Variants in STRBP observed in about 807,000 individuals in gnomAD.
STRBP encodes the protein spermatid perinuclear RNA binding protein.
Under a neutral mutation model 80.1 loss-of-function variants are expected in STRBP, and 13 were observed. The ratio of observed to expected loss-of-function variants is 0.16; its 90% CI spans 0.11 to 0.26. The LOEUF is 0.26. STRBP is among the 10% of genes least tolerant of loss of function. STRBP has a pLI of 1.00. For synonymous variants in STRBP, 284 were observed against 291.2 expected (o/e 0.98, Z 0.25); for missense variants, 485 against 815.2 (o/e 0.59, Z 4.93).
At chr9:123,191,840 A>G (rs2038937074) in intron 2 of STRBP, among the ~76,000 whole-genome samples, 3 of 152,164 alleles carry the variant, frequency 2.0e-5, no homozygotes, top group Non-Finnish European at 4.4e-5. Flanking sequence ...TGAGATGGGG[A>G]GCCCTTAGAA....
intron 2 of STRBP, among the ~76,000 whole-genome samples, chr9:123,203,688 T>C (rs1156452399): frequency 2.6e-5 from 4 of 152,022 alleles, no homozygotes; most frequent in Admixed American, 2.6e-4. Flanking sequence ...AATAGCGACC[T>C]CGGCCAGGCG....
At chr9:123,254,456 C>CAAAAAAAAAAAAA (rs1205708821) in intron 1 of STRBP, among the ~76,000 whole-genome samples, 3 of 65,718 alleles carry the variant, frequency 4.6e-5, no homozygotes, top group Non-Finnish European at 9.0e-5. Flanking sequence ...GACTCCGTCT[C>CAAAAAAAAAAAAA]AAAAAAAAAA....
chr9:123,263,045 A>G (rs2041190723), intron 1 of STRBP, among the ~76,000 whole-genome samples: 1 of 152,248 alleles, frequency 6.6e-6, no homozygotes, highest in Non-Finnish European at 1.5e-5. Flanking sequence ...TCTTAGAATT[A>G]CTAGTCAGAA....
At chr9:123,118,662 T>C (rs1264149444), downstream of STRBP, among the ~76,000 whole-genome samples, 1 of 152,260 alleles carries the variant, frequency 6.6e-6, no homozygotes, top group East Asian at 1.9e-4. Flanking sequence ...TTCTTAGATT[T>C]AAGAAAAACC....
At chr9:123,157,137 G>A (rs542201357) in intron 11 of STRBP, among the ~76,000 whole-genome samples, 122 of 152,262 alleles carry the variant, frequency 8.0e-4, no homozygotes, top group Non-Finnish European at 1.3e-3. Context: ...GTCATACTGA[G>A]CCCAAAACCT....
chr9:123,197,954 G>A (rs2039164169), intron 2 of STRBP, among the ~76,000 whole-genome samples: 1 of 152,052 alleles, frequency 6.6e-6, no homozygotes, highest in African/African-American at 2.4e-5. Flanking sequence ...GATTACAGGC[G>A]TGAGCCACGG....
intron 2 of STRBP, among the ~76,000 whole-genome samples, chr9:123,231,231 T>C (rs2040389996): frequency 6.6e-6 from 1 of 152,174 alleles, no homozygotes; most frequent in Non-Finnish European, 1.5e-5. Context: ...TTTCACCTGT[T>C]ATTAGCAGCC....
chr9:123,223,191 T>C (rs1182863772), intron 2 of STRBP, among the ~76,000 whole-genome samples: 2 of 152,106 alleles, frequency 1.3e-5, no homozygotes, highest in South Asian at 2.1e-4. Context: ...AAAATATCAA[T>C]AGTTGCCAAG....
At chr9:123,145,692 G>C (rs1048599351) in intron 13 of STRBP, among the ~76,000 whole-genome samples, 2 of 152,110 alleles carry the variant, frequency 1.3e-5, no homozygotes, top group African/African-American at 4.8e-5. Context: ...CTCTAAACTT[G>C]TGACACATTC....
chr9:123,172,499 G>A (rs1040871347), intron 5 of STRBP, among the ~76,000 whole-genome samples: 5 of 152,076 alleles, frequency 3.3e-5, no homozygotes, highest in Non-Finnish European at 7.4e-5. Context: ...TTTTTAAAAG[G>A]GAGGGAAAGG....
In STRBP at chr9:123,123,047, C is replaced by A; in HGVS notation, c.*2550G>T. The A allele has an allele frequency of 1.0e-6, 1 of 985,416 alleles. No individual in the cohort carries two copies. The highest frequency in any genetic ancestry group is 1.2e-6 in the Non-Finnish European group (1 of 829,928). The allele number at this position is 985,416 out of a possible 1,614,324, so 61.0% of individuals were successfully genotyped here. ...AGTGGAGTGTCTGAAAGCTGGATAG[C>A]CTCAGGGTGTCACATTGCTCTTAAG... On this transcript the variant is annotated 3_prime_UTR_variant, in exon 19 of 19. Coordinates refer to ENST00000348403, the MANE Select transcript of STRBP (RefSeq NM_018387.5).
At chr9:123,253,975 T>C (rs961780201) in intron 1 of STRBP, among the ~76,000 whole-genome samples, 4 of 152,158 alleles carry the variant, frequency 2.6e-5, no homozygotes, top group African/African-American at 7.2e-5. Flanking sequence ...TTGCTCAACA[T>C]TGTGAATGTT....
chr9:123,256,898 C>CT lies in STRBP; in HGVS notation c.-302+11537dup, dbSNP rs754149758. 2.3e-3 allele frequency among the ~76,000 whole-genome samples: 309 copies of CT among 134,238 alleles called. 1 individual carries two copies. Among genetic ancestry groups the CT allele is most frequent in the Admixed American group, 2.9e-3 (39 of 13,378 alleles). 88.1% of individuals were successfully genotyped at this position (134,238 alleles called of 152,430 possible). A position where few individuals can be genotyped will look rare whatever the true frequency, so the allele number is the denominator to read the frequency against. ...GTAGACAGTGGCTCCAGCCAGGAAT[C>CT]TTTTTTTTTTTTTTTTGGTCAACAT... On this transcript the variant is annotated intron_variant, in intron 1 of 18. Transcript: ENST00000348403.
intron 12 of STRBP, 50 bp downstream of exon 12, chr9:123,147,728 G>T: frequency 8.3e-7 from 1 of 1,199,394 alleles, no homozygotes; most frequent in Non-Finnish European, 1.2e-6. Context: ...TCTATCTGAA[G>T]CTACAAGTCC....
At position 123,136,222 on chromosome 9, in the gene STRBP, T is replaced by C. The variant is rs2036348138; in HGVS notation, c.1633-41A>G. The C allele has an allele frequency of 2.5e-6, 4 of 1,606,008 alleles. No homozygotes were observed. In the East Asian group the frequency reaches 8.9e-5, roughly 36 times the overall value. On this transcript the variant is annotated intron_variant, in intron 15 of 18. Transcript: ENST00000348403. The surrounding 1 kb of genome is among the most constrained non-coding windows in gnomAD (Gnocchi z 4.2). ...ACACCTTGCAATTATCCCATGCAAT[T>C]CCTCTATGTCCTTTTAATTTAAATA... is the stretch of plus-strand genomic sequence containing the variant.
rs895187365 is a variant in STRBP at position 123,123,554 on chromosome 9, G to A, written c.*2043C>T. Reference sequence around the variant, plus strand: ...AATTAAAAAAAAAAAAAAAAGACTTGGTAGAAACCATTTGAAATGACTGCC... The same window carrying A: ...AATTAAAAAAAAAAAAAAAAGACTTAGTAGAAACCATTTGAAATGACTGCC... On this transcript the variant is annotated 3_prime_UTR_variant, in exon 19 of 19. Coordinates refer to ENST00000348403, the MANE Select transcript of STRBP (RefSeq NM_018387.5). 7 of 984,580 alleles carry A rather than the reference G, an allele frequency of 7.1e-6. No homozygotes were observed. The highest frequency in any genetic ancestry group is 9.4e-5 in the South Asian group (2 of 21,250). 61.0% of individuals were successfully genotyped at this position (984,580 alleles called of 1,614,324 possible).
chr9:123,122,213 G>T lies in STRBP; in HGVS notation c.*3384C>A. ...CTTACCTTTGTATACTGAGATCACA[G>T]CTTACAGTCACTATATCTCAGCCTA... On this transcript the variant is annotated 3_prime_UTR_variant, in exon 19 of 19. Coordinates refer to ENST00000348403, the MANE Select transcript of STRBP (RefSeq NM_018387.5). 2 of 787,822 alleles carry T rather than the reference G, an allele frequency of 2.5e-6. No homozygotes were observed. Among genetic ancestry groups the T allele is most frequent in the Non-Finnish European group, 3.7e-6 (2 of 545,188 alleles). The allele number at this position is 787,822 out of a possible 1,614,324, so 48.8% of individuals were successfully genotyped here.
At chr9:123,167,325 A>T (rs919194716) in intron 6 of STRBP, among the ~76,000 whole-genome samples, 1 of 151,950 alleles carries the variant, frequency 6.6e-6, no homozygotes, top group Non-Finnish European at 1.5e-5. Flanking sequence ...AAATTAGGAG[A>T]AAAAAGGGTA....
Position 123,124,432 on chromosome 9 carries a change from C to T in STRBP, c.*1165G>A. ...GAACAGCACAATGTTACCCACTGATCCATTTCCACCAGCATCATCAGGTGT... is the reference window on the plus strand; with the variant it reads ...GAACAGCACAATGTTACCCACTGATTCATTTCCACCAGCATCATCAGGTGT... On this transcript the variant is annotated 3_prime_UTR_variant, in exon 19 of 19. Coordinates refer to ENST00000348403, the MANE Select transcript of STRBP (RefSeq NM_018387.5). 1.0e-6 allele frequency: 1 copy of T among 985,420 alleles called. No individual in the cohort carries two copies. Among genetic ancestry groups the T allele is most frequent in the Non-Finnish European group, 1.2e-6 (1 of 829,964 alleles). The allele number at this position is 985,420 out of a possible 1,614,324, so 61.0% of individuals were successfully genotyped here.
Sources: allele counts gnomAD v4.1 joint callset (sites outside exome capture counted in the v4.1 genomes callset), GRCh38; gene constraint gnomAD v4.1.1; non-coding constraint Gnocchi (gnomAD v3.1); transcripts MANE v1.5; gene names NCBI Gene and HGNC (gene_info 2026-07-23, HGNC 2026-07-21).